The following ANKRD11 variants were observed in gnomAD, a reference collection of about 807,000 sequenced individuals.
The protein encoded by ANKRD11 is ankyrin repeat domain 11.
ANKRD11 carries 17 observed loss-of-function variants against 195.7 expected under a neutral mutation model. The ratio of observed to expected loss-of-function variants is 0.09; its 90% CI spans 0.06 to 0.13. The LOEUF (loss-of-function observed/expected upper bound fraction) is 0.13, where lower values mean the gene tolerates loss of function less well. Ranked by LOEUF, ANKRD11 falls within the 10% of genes least tolerant of loss-of-function variation. ANKRD11 has a pLI of 1.00. For synonymous variants in ANKRD11, 1,953 were observed against 1,528.1 expected (o/e 1.28, Z -6.49); for missense variants, 3,735 against 3,566.1 (o/e 1.05, Z -1.21).
At position 89,280,832 on chromosome 16, in the gene ANKRD11, C is replaced by G; in HGVS notation, c.5710G>C (p.Glu1904Gln). The G allele has an allele frequency of 6.2e-7, 1 of 1,600,678 alleles. No individual in the cohort carries two copies. The highest frequency in any genetic ancestry group is 8.5e-7 in the Non-Finnish European group (1 of 1,169,970). ...TCCAGGTCCGGGGGAAGGGCCCCTTCGAGGGAAGGAACCAGCAGCTCGGCT... is the reference window on the plus strand; with the variant it reads ...TCCAGGTCCGGGGGAAGGGCCCCTTGGAGGGAAGGAACCAGCAGCTCGGCT... ...PRAELLVPSLEGALPPDLDTS... is the reference protein window; with the variant it reads ...PRAELLVPSLQGALPPDLDTS... Residue 1904 changes from glutamate to glutamine, a missense_variant, in exon 9 of 13, where the codon GAA becomes CAA. By Grantham distance (29) the Glu-to-Gln change is conservative. Transcript: ENST00000301030.
rs1211892609 is a variant in ANKRD11 at position 89,280,572 on chromosome 16, G to T, written c.5970C>A (p.Ser1990=). The change falls in exon 9 of 13, where the codon TCC becomes TCA. Residue 1990 remains serine, a synonymous_variant. Coordinates refer to ENST00000301030, the MANE Select transcript of ANKRD11 (RefSeq NM_013275.6). ...LLKSPQRFPE[S]PKRFCPADPL... ...GGTCCGCGGGGCAGAAACGCTTTGG[G>T]GACTCGGGGAATCTCTGTGGAGACT... is the stretch of plus-strand genomic sequence containing the variant. The T allele has an allele frequency of 6.2e-7, 1 of 1,613,268 alleles. No homozygotes were observed. The highest frequency in any genetic ancestry group is 1.3e-5 in the African/African-American group (1 of 74,930).
intron 1 of ANKRD11, among the ~76,000 whole-genome samples, chr16:89,446,449 CAA>C (rs1384674340): frequency 2.6e-5 from 4 of 152,068 alleles, no homozygotes; most frequent in Non-Finnish European, 5.9e-5. Flanking sequence ...ACAAAAAACA[CAA>C]AACTTATCCG....
intron 2 of ANKRD11, among the ~76,000 whole-genome samples, chr16:89,363,669 G>A (rs557615976): frequency 1.2e-4 from 19 of 152,244 alleles, no homozygotes; most frequent in Middle Eastern, 3.4e-3. Flanking sequence ...AGCACCACAC[G>A]CTGCTTCCCG....
chr16:89,323,756 T>G, intron 2 of ANKRD11: 1 of 256,532 alleles, frequency 3.9e-6, no homozygotes, highest in South Asian at 4.0e-5. Context: ...TCTCTCTCCT[T>G]CCTCCTCAGG....
rs1382647517 is a variant in ANKRD11 at position 89,446,350 on chromosome 16, TC to T, written c.-144-27983del. On this transcript the variant is annotated intron_variant, in intron 1 of 12. Coordinates refer to ENST00000301030, the MANE Select transcript of ANKRD11 (RefSeq NM_013275.6). ...CGGGCGCAGTGGCTCACGCCCCTAA[TC>T]CCAGCACTTTGGGAGGCCCAGACAG... is the stretch of plus-strand genomic sequence containing the variant. 3.9e-5 allele frequency among the ~76,000 whole-genome samples: 6 copies of T among 152,294 alleles called. No homozygotes were observed. The South Asian group carries it at 1.0e-3, about 26-fold the overall frequency.
At chr16:89,414,398 C>G (rs747872776) in intron 2 of ANKRD11, among the ~76,000 whole-genome samples, 2 of 152,122 alleles carry the variant, frequency 1.3e-5, no homozygotes, top group Non-Finnish European at 2.9e-5. Context: ...CACTGGGAAC[C>G]GCGTGCTGGG....
intron 2 of ANKRD11, among the ~76,000 whole-genome samples, chr16:89,354,910 T>G (rs1381533983): frequency 6.6e-6 from 1 of 152,110 alleles, no homozygotes; most frequent in Admixed American, 6.5e-5. Context: ...GTGAGTGGCC[T>G]GGAAGCTCGT....
Position 89,290,706 on chromosome 16 carries a change from G to A in ANKRD11, c.520C>T (p.Arg174Ter). The part of the protein sequence containing the change: ...RNERGETRLH[R>*]AAIRGDARRI... ...CGGGCGTCCCCGCGGATGGCGGCTC[G>A]GTGCAGGCGGGTCTCTCCACGCTCG... The change falls in exon 6 of 13, where the codon CGA (arginine) becomes TGA (stop). Residue 174 changes from arginine to a stop codon, truncating the protein, a stop_gained. Transcript: ENST00000301030. LOFTEE classifies it high-confidence loss of function. The A allele has an allele frequency of 6.2e-7, 1 of 1,613,406 alleles. No individual in the cohort carries two copies. The highest frequency in any genetic ancestry group is 8.5e-7 in the Non-Finnish European group (1 of 1,180,006).
At chr16:89,290,892 A>T in intron 5 of ANKRD11, 64 bp from the exon 6 acceptor site, 1 of 1,610,072 alleles carries the variant, frequency 6.2e-7, no homozygotes, top group East Asian at 2.2e-5. Context: ...TCCAATCTTC[A>T]AGAGCCCAGG....
At chr16:89,429,972 T>C (rs545652077) in intron 1 of ANKRD11, among the ~76,000 whole-genome samples, 939 of 75,354 alleles carry the variant, frequency 0.012, 12 homozygotes, top group African/African-American at 0.049. Flanking sequence ...ACAGCAGGGA[T>C]TCTCAACTCT....
chr16:89,438,189 G>C (rs1429719734), intron 1 of ANKRD11, among the ~76,000 whole-genome samples: 1 of 152,176 alleles, frequency 6.6e-6, no homozygotes, highest in Admixed American at 6.5e-5. Context: ...TGAAGACTAG[G>C]AACAGCTGGC....
chr16:89,487,500 G>C (rs2057659543), intron 1 of ANKRD11, among the ~76,000 whole-genome samples: 1 of 152,212 alleles, frequency 6.6e-6, no homozygotes, highest in South Asian at 2.1e-4. Context: ...AAGAGGCCGG[G>C]CGCGGTGGCT....
chr16:89,357,168 C>A (rs1182218242), intron 2 of ANKRD11, among the ~76,000 whole-genome samples: 1 of 152,168 alleles, frequency 6.6e-6, no homozygotes, highest in Non-Finnish European at 1.5e-5. Flanking sequence ...GTAGGCTCGG[C>A]CAGAGCTACA....
intron 1 of ANKRD11, among the ~76,000 whole-genome samples, chr16:89,432,290 A>G (rs1256918975): frequency 1.3e-5 from 2 of 151,636 alleles, no homozygotes; most frequent in East Asian, 1.9e-4. Context: ...CCTGGAAAAT[A>G]AAAGCTTCAC....
chr16:89,376,394 A>G (rs1320118794), intron 2 of ANKRD11, among the ~76,000 whole-genome samples: 1 of 152,230 alleles, frequency 6.6e-6, no homozygotes, highest in Non-Finnish European at 1.5e-5. Flanking sequence ...CCCAGACACC[A>G]TGAGGAATAT....
At chr16:89,344,599 A>ACT (rs2038850553) in intron 2 of ANKRD11, among the ~76,000 whole-genome samples, 1 of 152,234 alleles carries the variant, frequency 6.6e-6, no homozygotes, top group Non-Finnish European at 1.5e-5. Context: ...CCCACAATGC[A>ACT]AGCGTCCGGG....
chr16:89,416,766 CAAA>C (rs71134221), intron 2 of ANKRD11, among the ~76,000 whole-genome samples: 2 of 105,972 alleles, frequency 1.9e-5, no homozygotes. Context: ...TCTGTTTCTA[CAAA>C]AAAAAAAAAA....
chr16:89,323,429 C>A (rs2037467888), intron 2 of ANKRD11: 2 of 935,352 alleles, frequency 2.1e-6, no homozygotes, highest in Admixed American at 2.5e-5. Flanking sequence ...GAGCCGAGGG[C>A]AGGGGGGCTG....
At chr16:89,441,695 A>C (rs1179349739) in intron 1 of ANKRD11, among the ~76,000 whole-genome samples, 1 of 138,892 alleles carries the variant, frequency 7.2e-6, no homozygotes, top group East Asian at 2.3e-4. Context: ...TGAACCCAGG[A>C]GGCGGACTAT....
Sources: gnomAD v4.1 joint callset for allele counts (sites outside exome capture counted in the v4.1 genomes callset) on GRCh38, gnomAD v4.1.1 for gene constraint, MANE v1.5 for transcripts, NCBI Gene and HGNC (gene_info 2026-07-23, HGNC 2026-07-21) for gene names.